The following ZNF316 variants were observed in gnomAD, a reference collection of about 807,000 sequenced individuals.
ZNF316 encodes the protein zinc finger protein 316.
A neutral mutation model predicts 75.6 loss-of-function variants in ZNF316; 23 were observed. The ratio of observed to expected loss-of-function variants is 0.30; its 90% CI spans 0.22 to 0.43. The LOEUF (loss-of-function observed/expected upper bound fraction) is 0.43, where lower values mean the gene tolerates loss of function less well. Ranked by LOEUF, ZNF316 falls within the 20% of genes least tolerant of loss-of-function variation. The pLI, the probability that ZNF316 is intolerant of heterozygous loss-of-function variation, is 1.00. For synonymous variants in ZNF316, 827 were observed against 666.2 expected, an observed-to-expected ratio of 1.24 and a Z score of -3.72; for missense variants, 1,266 against 1,409.4, an observed-to-expected ratio of 0.90 and a Z score of 1.63.
rs1007991334 is a variant in ZNF316, at chr7:6,644,408, G to A, written c.593-72G>A. 6.3e-6 allele frequency: 5 copies of A among 794,590 alleles called. No individual in the cohort carries two copies. In the African/African-American group the frequency reaches 7.1e-5, roughly 11 times the overall value. 49.2% of individuals were successfully genotyped at this position (794,590 alleles called of 1,614,324 possible). ...GGAGGTGGAGGGGCACTGAGCGGTG[G>A]CACAGCACGGGCTGCAGGGCAGGGG... On this transcript the variant is annotated intron_variant, in intron 7 of 8. Transcript: ENST00000382252.
rs747347808 is a variant in ZNF316 at position 6,657,831 on chromosome 7, CAAAAAAAA to C, written c.*3239_*3246del. ...GTGACAGAACAAGACCCTATCTCACCAAAAAAAAAAAAAAAAAAAAAAAAAAGGTTCCC... is the reference window on the plus strand; with the variant it reads ...GTGACAGAACAAGACCCTATCTCACCAAAAAAAAAAAAAAAAAAGGTTCCC... On this transcript the variant is annotated 3_prime_UTR_variant, in exon 9 of 9. Transcript: ENST00000382252. Among the ~76,000 whole-genome samples, 1 of 27,724 alleles carries C rather than the reference CAAAAAAAA, an allele frequency of 3.6e-5. No homozygotes were observed. The highest frequency in any genetic ancestry group is 4.5e-4 in the Admixed American group (1 of 2,198). The allele number at this position is 27,724 out of a possible 152,430, so 18.2% of individuals were successfully genotyped here.
At chr7:6,648,982 G>C (rs1306517060) in intron 8 of ZNF316, among the ~76,000 whole-genome samples, 1 of 152,184 alleles carries the variant, frequency 6.6e-6, no homozygotes, top group Non-Finnish European at 1.5e-5. Context: ...CCAGCCCTGA[G>C]CCTTTCATTC....
At chr7:6,644,439 C>T (rs967735870) in intron 7 of ZNF316, 41 bp from the exon 8 acceptor site, 2 of 1,147,116 alleles carry the variant, frequency 1.7e-6, no homozygotes, top group Non-Finnish European at 2.2e-6. Flanking sequence ...AGGGGAGGGC[C>T]CACGGGAGCC....
Position 6,655,128 on chromosome 7 carries a change from GT to G in ZNF316, c.*520del, listed in dbSNP as rs1779597507. 1 of 152,328 alleles carries G rather than the reference GT, an allele frequency of 6.6e-6. No individual in the cohort carries two copies. Among genetic ancestry groups the G allele is most frequent in the East Asian group, 1.9e-4 (1 of 5,162 alleles). 9.4% of individuals were successfully genotyped at this position (152,328 alleles called of 1,614,324 possible). Reference sequence around the variant, plus strand: ...CCGGTCATCCGAGTCTGTCCCGAAGGTTTAACTGCGCGCGGCGAGGGGAGGC... The same window carrying G: ...CCGGTCATCCGAGTCTGTCCCGAAGGTTAACTGCGCGCGGCGAGGGGAGGC... On this transcript the variant is annotated 3_prime_UTR_variant, in exon 9 of 9. Coordinates refer to ENST00000382252, the MANE Select transcript of ZNF316 (RefSeq NM_001278559.2).
chr7:6,652,807 CG>C lies in ZNF316; in HGVS notation c.1213del (p.Asp405ThrfsTer386). On this transcript the variant is annotated frameshift_variant, in exon 9 of 9. Coordinates refer to ENST00000382252, the MANE Select transcript of ZNF316 (RefSeq NM_001278559.2). LOFTEE classifies it high-confidence loss of function. ...THTGEKPFPC[P>X]DCGKRFVYKS... ...ACCGGCGAGAAGCCCTTCCCGTGCCCGGACTGCGGCAAGCGCTTCGTCTACA... is the reference window on the plus strand; with the variant it reads ...ACCGGCGAGAAGCCCTTCCCGTGCCCGACTGCGGCAAGCGCTTCGTCTACA... The C allele has an allele frequency of 7.9e-7, 1 of 1,268,880 alleles. No individual in the cohort carries two copies. Among genetic ancestry groups the C allele is most frequent in the Non-Finnish European group, 9.9e-7 (1 of 1,006,830 alleles). The allele number at this position is 1,268,880 out of a possible 1,614,324, so 78.6% of individuals were successfully genotyped here. A position where few individuals can be genotyped will look rare whatever the true frequency, so the allele number is the denominator to read the frequency against.
chr7:6,652,286 G>A lies in ZNF316; in HGVS notation c.707-17G>A. 3 of 1,232,306 alleles carry A rather than the reference G, an allele frequency of 2.4e-6. No homozygotes were observed. The highest frequency in any genetic ancestry group is 3.0e-6 in the Non-Finnish European group (3 of 988,058). 76.3% of individuals were successfully genotyped at this position (1,232,306 alleles called of 1,614,324 possible). On this transcript the variant is annotated splice_polypyrimidine_tract_variant and intron_variant, in intron 8 of 8. Coordinates refer to ENST00000382252, the MANE Select transcript of ZNF316 (RefSeq NM_001278559.2). ...TTCACTTACCTCTCTCTTCTGGCCT[G>A]CCTTTGTCACCTTCAGGAGCCTGGT... is the stretch of plus-strand genomic sequence containing the variant.
chr7:6,637,745 A>G lies in ZNF316; in HGVS notation c.-430-101A>G, dbSNP rs1779240885. 6.6e-6 allele frequency: 1 copy of G among 151,690 alleles called. No homozygotes were observed. The highest frequency in any genetic ancestry group is 1.5e-5 in the Non-Finnish European group (1 of 67,892). 9.4% of individuals were successfully genotyped at this position (151,690 alleles called of 1,614,324 possible). ...GCAGGCCCGGGAGGCCACGCGTGAC[A>G]CCTCGGGGTGCCCGCCCACGCCTTC... On this transcript the variant is annotated intron_variant, in intron 1 of 8. Transcript: ENST00000382252. This position sits in a 1 kb window ranked among gnomAD's most constrained non-coding sequence, Gnocchi z 6.2.
rs1031423270 is a variant in ZNF316 at position 6,653,618 on chromosome 7, T to A, written c.2022T>A (p.Gly674=). The A allele has an allele frequency of 9.4e-6, 10 of 1,061,606 alleles. No individual in the cohort carries two copies. The East Asian group carries it at 6.1e-4, about 65-fold the overall frequency. The allele number at this position is 1,061,606 out of a possible 1,614,324, so 65.8% of individuals were successfully genotyped here. A position where few individuals can be genotyped will look rare whatever the true frequency, so the allele number is the denominator to read the frequency against. ...GCGCGTTCGGGCCCGCCATCGGGGG[T>A]CTGCTGGCGGAGCCCGCGCCGGCCG... The part of the protein sequence containing the change: ...GLRAFGPAIG[G]LLAEPAPAAL... The change falls in exon 9 of 9, where the codon GGT becomes GGA. Residue 674 remains glycine, a synonymous_variant. Transcript: ENST00000382252.
At chr7:6,638,221 G>A (rs930027841) in intron 2 of ZNF316, among the ~76,000 whole-genome samples, 8 of 152,154 alleles carry the variant, frequency 5.3e-5, no homozygotes, top group African/African-American at 1.9e-4. Context: ...GGGGCCGGGT[G>A]GGGTGGTGAG....
In ZNF316 at chr7:6,653,255, C is replaced by G. The variant is rs1779547334; in HGVS notation, c.1659C>G (p.Ala553=). 2.4e-6 allele frequency: 3 copies of G among 1,227,452 alleles called. No individual in the cohort carries two copies. Among genetic ancestry groups the G allele is most frequent in the Admixed American group, 4.3e-5 (1 of 23,502 alleles). 76.0% of individuals were successfully genotyped at this position (1,227,452 alleles called of 1,614,324 possible). The change falls in exon 9 of 9, where the codon GCC becomes GCG. Residue 553 remains alanine (A), a synonymous_variant. Transcript: ENST00000382252. ...GEADGEAEAA[A]EEREEAAVAA... ...CGGACGGAGAGGCGGAGGCCGCGGCCGAGGAGAGAGAGGAGGCGGCGGTGG... is the reference window on the plus strand; with the variant it reads ...CGGACGGAGAGGCGGAGGCCGCGGCGGAGGAGAGAGAGGAGGCGGCGGTGG...
Position 6,654,295 on chromosome 7 carries a change from C to T in ZNF316, c.2699C>T (p.Ser900Leu). Reference sequence around the variant, plus strand: ...TGCGGCAAGCGCTTTTCGCAGCGCTCGGTGCTGGTCACGCACCAGCGCACA... The same window carrying T: ...TGCGGCAAGCGCTTTTCGCAGCGCTTGGTGCTGGTCACGCACCAGCGCACA... ...PECGKRFSQR[S>L]VLVTHQRTHT... Residue 900 changes from serine to leucine, a missense_variant, in exon 9 of 9, where the codon TCG (serine) becomes TTG (leucine). By Grantham distance (145) the Ser-to-Leu change is moderately radical. Coordinates refer to ENST00000382252, the MANE Select transcript of ZNF316 (RefSeq NM_001278559.2). The T allele has an allele frequency of 3.3e-6, 4 of 1,224,116 alleles. No individual in the cohort carries two copies. Among genetic ancestry groups the T allele is most frequent in the South Asian group, 4.0e-5 (1 of 25,172 alleles). 75.8% of individuals were successfully genotyped at this position (1,224,116 alleles called of 1,614,324 possible). A position where few individuals can be genotyped will look rare whatever the true frequency, so the allele number is the denominator to read the frequency against.
intron 8 of ZNF316, among the ~76,000 whole-genome samples, chr7:6,647,750 A>G (rs1472054718): frequency 6.6e-6 from 1 of 152,184 alleles, no homozygotes; most frequent in African/African-American, 2.4e-5. Context: ...TGGGAGTCGT[A>G]GATGGTGGCG....
rs1212715052 is a variant in ZNF316 at position 6,653,093 on chromosome 7, C to T, written c.1497C>T (p.Asp499=). The change falls in exon 9 of 9, where the codon GAC becomes GAT. Residue 499 remains aspartate, a synonymous_variant. Transcript: ENST00000382252. ...GCCAGGCCTTCCGCCTGCGCGCCGA[C>T]TTCCAGCGCCACCGACGCGGCGGGG... ...DCGQAFRLRA[D]FQRHRRGGGC... The T allele has an allele frequency of 2.5e-6, 3 of 1,192,140 alleles. No individual in the cohort carries two copies. The highest frequency in any genetic ancestry group is 3.1e-6 in the Non-Finnish European group (3 of 963,366). The allele number at this position is 1,192,140 out of a possible 1,614,324, so 73.8% of individuals were successfully genotyped here.
chr7:6,651,331 C>T (rs1049033886), intron 8 of ZNF316, among the ~76,000 whole-genome samples: 91 of 150,514 alleles, frequency 6.0e-4, no homozygotes, highest in African/African-American at 2.0e-3. Flanking sequence ...GCCTGGGCAA[C>T]GAGCTCAATT....
Position 6,643,879 on chromosome 7 carries a change from C to T in ZNF316, c.523C>T (p.Leu175=). ...VYFSLEEWER[L]EADQRGLYQE... ...CTTCTCCCTGGAGGAGTGGGAAAGG[C>T]TGGAAGCAGACCAGCGGGGCCTCTA... Residue 175 remains leucine, a synonymous_variant, in exon 7 of 9, where the codon CTG becomes TTG. Transcript: ENST00000382252. 1 of 1,237,652 alleles carries T rather than the reference C, an allele frequency of 8.1e-7. No individual in the cohort carries two copies. The highest frequency in any genetic ancestry group is 1.0e-6 in the Non-Finnish European group (1 of 991,590). The allele number at this position is 1,237,652 out of a possible 1,614,324, so 76.7% of individuals were successfully genotyped here.
At position 6,652,159 on chromosome 7, in the gene ZNF316, G is replaced by A. The variant is rs989954389; in HGVS notation, c.707-144G>A. 2.1e-4 allele frequency: 155 copies of A among 742,468 alleles called. 1 individual carries two copies. Among genetic ancestry groups the A allele is most frequent in the Non-Finnish European group, 4.2e-5 (23 of 541,922 alleles). The allele number at this position is 742,468 out of a possible 1,614,324, so 46.0% of individuals were successfully genotyped here. ...GTGGGACATGGGCAACCGCTCACTTGGTGAAAGGAGGTGCCCCGTCCGACT... is the reference window on the plus strand; with the variant it reads ...GTGGGACATGGGCAACCGCTCACTTAGTGAAAGGAGGTGCCCCGTCCGACT... On this transcript the variant is annotated intron_variant, in intron 8 of 8. Transcript: ENST00000382252.
intron 8 of ZNF316, among the ~76,000 whole-genome samples, chr7:6,646,898 C>T (rs569077802): frequency 3.3e-5 from 5 of 152,288 alleles, no homozygotes; most frequent in East Asian, 1.9e-4. Flanking sequence ...CATCTGGGCT[C>T]TGGCACTGCC....
Position 6,639,223 on chromosome 7 carries a change from A to G in ZNF316, c.-167+82A>G. Reference sequence around the variant, plus strand: ...GTTCTGGAACAGGACAGTAGGGCCAAAATGCTGAGTTTGAAAAATCCTGTG... The same window carrying G: ...GTTCTGGAACAGGACAGTAGGGCCAGAATGCTGAGTTTGAAAAATCCTGTG... On this transcript the variant is annotated intron_variant, in intron 3 of 8. Transcript: ENST00000382252. This position sits in a 1 kb window ranked among gnomAD's most constrained non-coding sequence, Gnocchi z 4.2. 6.6e-6 allele frequency: 1 copy of G among 152,280 alleles called. No homozygotes were observed. Among genetic ancestry groups the G allele is most frequent in the East Asian group, 1.9e-4 (1 of 5,200 alleles). 9.4% of individuals were successfully genotyped at this position (152,280 alleles called of 1,614,324 possible).
rs558246420 is a variant in ZNF316, at chr7:6,653,297, C to T, written c.1701C>T (p.Ser567=). The change falls in exon 9 of 9, where the codon AGC becomes AGT. Residue 567 remains serine (S), a synonymous_variant. Transcript: ENST00000382252. ...EEAAVAAPTP[S]GKVDPAPERR... ...CGGCGGTGGCGGCGCCCACCCCCAG[C>T]GGCAAGGTGGACCCCGCGCCGGAAC... The T allele has an allele frequency of 3.0e-5, 37 of 1,227,356 alleles. No individual in the cohort carries two copies. Among genetic ancestry groups the T allele is most frequent in the African/African-American group, 1.4e-4 (9 of 64,042 alleles). The allele number at this position is 1,227,356 out of a possible 1,614,324, so 76.0% of individuals were successfully genotyped here. A position where few individuals can be genotyped will look rare whatever the true frequency, so the allele number is the denominator to read the frequency against.
Sources: allele counts gnomAD v4.1 joint callset (sites outside exome capture counted in the v4.1 genomes callset), GRCh38; gene constraint gnomAD v4.1.1; non-coding constraint Gnocchi (gnomAD v3.1); transcripts MANE v1.5; gene names NCBI Gene and HGNC (gene_info 2026-07-23, HGNC 2026-07-21).